MGMT: variants seen among roughly 807,000 people sequenced by gnomAD.
MGMT encodes the protein methylated-DNA--protein-cysteine methyltransferase.
MGMT carries 14 observed loss-of-function variants against 15.9 expected under a neutral mutation model. The observed-to-expected ratio is 0.88, with a 90% CI of 0.58 to 1.37. The LOEUF (loss-of-function observed/expected upper bound fraction) is 1.37. Ranked by LOEUF, MGMT falls within the 40% of genes most tolerant of loss-of-function variation. The pLI, the probability that MGMT is intolerant of heterozygous loss-of-function variation, is 0.00. For missense variants in MGMT, 282 were observed against 268.1 expected (o/e 1.05, Z -0.36); for synonymous variants, 130 against 118.2 (o/e 1.10, Z -0.65).
chr10:129,518,325 G>GACACACACACACACAC (rs1293188269), intron 1 of MGMT, among the ~76,000 whole-genome samples: 24 of 88,100 alleles, frequency 2.7e-4, no homozygotes, highest in African/African-American at 7.6e-4. Flanking sequence ...TGTGTGTACA[G>GACACACACACACACAC]ATACACACAC....
intron 2 of MGMT, among the ~76,000 whole-genome samples, chr10:129,593,017 C>T (rs180921153): frequency 6.6e-6 from 1 of 152,298 alleles, no homozygotes; most frequent in East Asian, 1.9e-4. Flanking sequence ...ACACCCACCG[C>T]CCCAGACAAA....
intron 2 of MGMT, among the ~76,000 whole-genome samples, chr10:129,613,390 G>T (rs924306155): frequency 9.2e-5 from 14 of 152,176 alleles, no homozygotes; most frequent in African/African-American, 3.1e-4. Flanking sequence ...GCACTTAGGT[G>T]GGCTTCAGTG....
chr10:129,756,205 T>C lies in MGMT; in HGVS notation c.275-2997T>C, dbSNP rs185854453. ...ATAGCTGCCCAAGCCGAAATGAAAA[T>C]AGCCATGTCCTTCAGATGCAGAGAC... is the stretch of plus-strand genomic sequence containing the variant. On this transcript the variant is annotated intron_variant, in intron 3 of 4. Coordinates refer to ENST00000651593, the MANE Select transcript of MGMT (RefSeq NM_002412.5). Among the ~76,000 whole-genome samples, 5 of 152,186 alleles carry C rather than the reference T, an allele frequency of 3.3e-5. No homozygotes were observed. The East Asian group carries it at 7.7e-4, about 24-fold the overall frequency.
intron 3 of MGMT, among the ~76,000 whole-genome samples, chr10:129,738,414 C>G (rs545639367): frequency 2.0e-5 from 3 of 152,226 alleles, no homozygotes; most frequent in African/African-American, 2.4e-5. Context: ...TGCTTTGGCT[C>G]GCGCACGGTG....
At chr10:129,530,128 C>T (rs769516377) in intron 1 of MGMT, among the ~76,000 whole-genome samples, 9 of 152,146 alleles carry the variant, frequency 5.9e-5, no homozygotes, top group Non-Finnish European at 7.3e-5. Context: ...GTCTTGAACT[C>T]GTGGGCTGAA....
At chr10:129,542,896 G>A (rs983064919) in intron 2 of MGMT, among the ~76,000 whole-genome samples, 1 of 152,258 alleles carries the variant, frequency 6.6e-6, no homozygotes, top group East Asian at 1.9e-4. Context: ...AATGATCAGT[G>A]GTGGATAGGG....
intron 1 of MGMT, among the ~76,000 whole-genome samples, chr10:129,484,794 C>CT (rs1317528383): frequency 2.6e-5 from 4 of 151,758 alleles, no homozygotes; most frequent in African/African-American, 4.8e-5. Flanking sequence ...AGGTATCATG[C>CT]TTTTTTTAAA....
intron 1 of MGMT, among the ~76,000 whole-genome samples, chr10:129,524,225 G>A (rs374309643): frequency 6.6e-6 from 1 of 152,348 alleles, no homozygotes; most frequent in East Asian, 1.9e-4. Context: ...CCTCAAGGAC[G>A]ATTGGCATCT....
intron 3 of MGMT, among the ~76,000 whole-genome samples, chr10:129,738,151 G>A (rs1848587297): frequency 6.6e-6 from 1 of 152,236 alleles, no homozygotes; most frequent in Non-Finnish European, 1.5e-5. Context: ...CCCTCCCCAA[G>A]CCTCGCTGCC....
intron 4 of MGMT, among the ~76,000 whole-genome samples, chr10:129,759,583 G>A (rs1436505982): frequency 6.6e-6 from 1 of 152,158 alleles, no homozygotes. Context: ...TGAGCTCCTG[G>A]TTGTCACAGT....
intron 2 of MGMT, among the ~76,000 whole-genome samples, chr10:129,617,097 C>G (rs1293337600): frequency 1.3e-5 from 2 of 151,900 alleles, no homozygotes; most frequent in African/African-American, 4.8e-5. Flanking sequence ...AGCATAGTAC[C>G]CAATAGGTAG....
At chr10:129,648,152 C>A (rs1031193885) in intron 2 of MGMT, among the ~76,000 whole-genome samples, 5 of 152,066 alleles carry the variant, frequency 3.3e-5, no homozygotes, top group African/African-American at 1.2e-4. Flanking sequence ...AAACACATCT[C>A]CATAATATTT....
intron 1 of MGMT, among the ~76,000 whole-genome samples, chr10:129,488,002 T>TACACAC (rs1491199847): frequency 4.0e-5 from 3 of 75,786 alleles, no homozygotes; most frequent in African/African-American, 1.3e-4. Context: ...CACACATAGG[T>TACACAC]ATACACACAC....
At chr10:129,510,672 A>G (rs1381422466) in intron 1 of MGMT, among the ~76,000 whole-genome samples, 1 of 152,208 alleles carries the variant, frequency 6.6e-6, no homozygotes, top group Non-Finnish European at 1.5e-5. Flanking sequence ...TTCGTAAGAA[A>G]TAGATGATGG....
At chr10:129,631,000 A>G (rs1011511919) in intron 2 of MGMT, among the ~76,000 whole-genome samples, 6 of 152,242 alleles carry the variant, frequency 3.9e-5, no homozygotes, top group Non-Finnish European at 5.9e-5. Flanking sequence ...AGGGAAGGAA[A>G]AATATCTCGA....
At chr10:129,733,972 A>C (rs926722115) in intron 3 of MGMT, among the ~76,000 whole-genome samples, 1,621 of 150,914 alleles carry the variant, frequency 0.011, 20 homozygotes, top group African/African-American at 0.037. Flanking sequence ...GCCTTGTAGT[A>C]TAGTTTGAAG....
chr10:129,538,787 C>A (rs982575461), intron 2 of MGMT, among the ~76,000 whole-genome samples: 4 of 152,082 alleles, frequency 2.6e-5, no homozygotes, highest in African/African-American at 9.7e-5. Flanking sequence ...AGGCACGCAC[C>A]GCCACACCTG....
chr10:129,760,716 G>T (rs1848862560), intron 4 of MGMT, among the ~76,000 whole-genome samples: 1 of 152,174 alleles, frequency 6.6e-6, no homozygotes, highest in African/African-American at 2.4e-5. Context: ...GTAGTGGATT[G>T]CATTGTCGTA....
intron 2 of MGMT, among the ~76,000 whole-genome samples, chr10:129,626,111 AC>A (rs1015229317): frequency 1.3e-5 from 2 of 152,138 alleles, no homozygotes; most frequent in African/African-American, 4.8e-5. Flanking sequence ...AGCCACTGTT[AC>A]TTATGGACAG....
Sources: allele counts gnomAD v4.1 joint callset (sites outside exome capture counted in the v4.1 genomes callset), GRCh38; gene constraint gnomAD v4.1.1; transcripts MANE v1.5; gene names NCBI Gene and HGNC (gene_info 2026-07-23, HGNC 2026-07-21).